Variants in PHLPP1 observed in about 807,000 individuals in gnomAD.
PHLPP1 encodes PH domain leucine-rich repeat-containing protein phosphatase 1.
A neutral mutation model predicts 117.2 loss-of-function variants in PHLPP1; 42 were observed. That is an observed-to-expected ratio of 0.36 (90% CI 0.28 to 0.46). The LOEUF (loss-of-function observed/expected upper bound fraction) is 0.46, where lower values mean the gene tolerates loss of function less well. Among genes scored for constraint, PHLPP1 ranks in the 20% least tolerant of loss-of-function variants. The pLI is 1.00. For synonymous variants in PHLPP1, 1,042 were observed against 970.7 expected (o/e 1.07, Z -1.37); for missense variants, 2,084 against 2,241.9 (o/e 0.93, Z 1.42).
chr18:62,729,414 A>C (rs1373526365), intron 1 of PHLPP1, among the ~76,000 whole-genome samples: 1 of 152,174 alleles, frequency 6.6e-6, no homozygotes, highest in East Asian at 1.9e-4. Context: ...ATACTAAATG[A>C]AGCTGGGCGT....
chr18:62,729,617 G>A (rs1201613528), intron 1 of PHLPP1, among the ~76,000 whole-genome samples: 2 of 152,100 alleles, frequency 1.3e-5, no homozygotes, highest in Admixed American at 6.5e-5. Context: ...GGAGGTTGCC[G>A]TGAGCTGAGA....
chr18:62,824,771 G>A (rs1035633195), intron 1 of PHLPP1, among the ~76,000 whole-genome samples: 1 of 151,912 alleles, frequency 6.6e-6, no homozygotes, highest in African/African-American at 2.4e-5. Flanking sequence ...AAATGACAAG[G>A]TCTTACTGTG....
intron 1 of PHLPP1, among the ~76,000 whole-genome samples, chr18:62,768,845 C>A (rs1423365221): frequency 1.3e-5 from 2 of 152,018 alleles, no homozygotes; most frequent in Non-Finnish European, 2.9e-5. Context: ...AGGATAAAAG[C>A]AAACAATTTA....
At chr18:62,942,136 G>T (rs1190219915) in intron 11 of PHLPP1, among the ~76,000 whole-genome samples, 2 of 152,178 alleles carry the variant, frequency 1.3e-5, no homozygotes, top group Non-Finnish European at 2.9e-5. Flanking sequence ...TCACAAGAAT[G>T]TTCTTAAGAT....
intron 1 of PHLPP1, among the ~76,000 whole-genome samples, chr18:62,747,997 T>A (rs902401598): frequency 1.3e-5 from 2 of 152,212 alleles, no homozygotes; most frequent in Non-Finnish European, 2.9e-5. Context: ...CTGGTATAAT[T>A]GTTCCATGTC....
intron 1 of PHLPP1, among the ~76,000 whole-genome samples, chr18:62,813,698 A>G (rs1314017404): frequency 5.9e-5 from 9 of 152,166 alleles, no homozygotes; most frequent in Non-Finnish European, 8.8e-5. Context: ...CTATTGAATG[A>G]GAAACTCTTG....
At chr18:62,855,944 TG>T (rs1346449552) in intron 3 of PHLPP1, among the ~76,000 whole-genome samples, 2 of 152,182 alleles carry the variant, frequency 1.3e-5, no homozygotes, top group African/African-American at 4.8e-5. Flanking sequence ...GTACTCAACG[TG>T]GGGTTATATC....
intron 10 of PHLPP1, among the ~76,000 whole-genome samples, chr18:62,931,744 AATT>A (rs1377181350): frequency 6.6e-6 from 1 of 151,772 alleles, no homozygotes; most frequent in African/African-American, 2.4e-5. Context: ...AATACAAAAC[AATT>A]AGCTGGGCAT....
intron 10 of PHLPP1, among the ~76,000 whole-genome samples, chr18:62,929,499 A>G (rs1324093053): frequency 6.6e-6 from 1 of 152,200 alleles, no homozygotes; most frequent in Non-Finnish European, 1.5e-5. Context: ...GGCGTGATGT[A>G]CCAGAGGATG....
intron 13 of PHLPP1, among the ~76,000 whole-genome samples, chr18:62,962,610 G>A (rs1006617729): frequency 6.6e-6 from 1 of 152,096 alleles, no homozygotes; most frequent in African/African-American, 2.4e-5. Context: ...CGCCTGGCAA[G>A]GCTGATTTTT....
chr18:62,801,595 GGCAT>G (rs1466210166), intron 1 of PHLPP1, among the ~76,000 whole-genome samples: 2 of 151,794 alleles, frequency 1.3e-5, no homozygotes, highest in African/African-American at 4.8e-5. Context: ...TGAGACTACA[GGCAT>G]GCACCACCAT....
At chr18:62,768,067 G>T (rs1912612867) in intron 1 of PHLPP1, among the ~76,000 whole-genome samples, 1 of 152,188 alleles carries the variant, frequency 6.6e-6, no homozygotes, top group African/African-American at 2.4e-5. Flanking sequence ...GGGGAGAGGG[G>T]TGTTGCCAAG....
intron 7 of PHLPP1, among the ~76,000 whole-genome samples, chr18:62,905,012 A>G (rs1411452907): frequency 6.6e-6 from 1 of 152,244 alleles, no homozygotes; most frequent in Non-Finnish European, 1.5e-5. Flanking sequence ...ATTAGAATGC[A>G]TGATGTATTT....
chr18:62,840,891 T>C (rs1290631201), intron 3 of PHLPP1, among the ~76,000 whole-genome samples: 2 of 152,200 alleles, frequency 1.3e-5, no homozygotes, highest in Non-Finnish European at 2.9e-5. Flanking sequence ...GTGGAATTTA[T>C]TTTTTTGTTT....
chr18:62,832,906 C>A (rs1914794611), intron 2 of PHLPP1, among the ~76,000 whole-genome samples: 1 of 152,062 alleles, frequency 6.6e-6, no homozygotes, highest in Admixed American at 6.5e-5. Flanking sequence ...GCTGTGGTTT[C>A]ATACCACGTG....
intron 9 of PHLPP1, among the ~76,000 whole-genome samples, chr18:62,919,599 G>A (rs1909400238): frequency 6.6e-6 from 1 of 152,150 alleles, no homozygotes; most frequent in African/African-American, 2.4e-5. Flanking sequence ...AATCTCTTAT[G>A]GGTAAAGCAC....
chr18:62,841,250 A>G (rs1915043029), intron 3 of PHLPP1, among the ~76,000 whole-genome samples: 3 of 151,576 alleles, frequency 2.0e-5, no homozygotes, highest in Admixed American at 6.6e-5. Flanking sequence ...AATTCAAGAT[A>G]CCACATTGCA....
chr18:62,751,242 A>G (rs1911844619), intron 1 of PHLPP1, among the ~76,000 whole-genome samples: 1 of 152,244 alleles, frequency 6.6e-6, no homozygotes, highest in Non-Finnish European at 1.5e-5. Context: ...TTCAAAAATA[A>G]ATGTGAAGCA....
chr18:62,817,851 CTTTT>C (rs71340119), intron 1 of PHLPP1, among the ~76,000 whole-genome samples: 3 of 85,964 alleles, frequency 3.5e-5, no homozygotes, highest in Admixed American at 1.3e-4. Flanking sequence ...TGGCAACAGA[CTTTT>C]TTTTTTTTTT....
Sources: allele counts gnomAD v4.1 joint callset (sites outside exome capture counted in the v4.1 genomes callset), GRCh38; gene constraint gnomAD v4.1.1; transcripts MANE v1.5; gene names NCBI Gene and HGNC (gene_info 2026-07-23, HGNC 2026-07-21).